The following PDE1A variants were observed in gnomAD, a reference collection of about 807,000 sequenced individuals.
PDE1A encodes the protein phosphodiesterase 1A.
A neutral mutation model predicts 61.7 loss-of-function variants in PDE1A; 35 were observed. The ratio of observed to expected loss-of-function variants is 0.57; its 90% confidence interval spans 0.43 to 0.75. The LOEUF is 0.75. Among genes scored for constraint, PDE1A ranks in the 30% least tolerant of loss-of-function variants. PDE1A has a pLI of 0.00. For synonymous variants in PDE1A, 232 were observed against 213.2 expected, an observed-to-expected ratio of 1.09 and a Z score of -0.77; for missense variants, 597 against 630.6, an observed-to-expected ratio of 0.95 and a Z score of 0.57.
chr2:182,186,550 G>C, exon 12 of PDE1A: 1 of 1,612,330 alleles, frequency 6.2e-7, no homozygotes, highest in South Asian at 1.1e-5. Flanking sequence ...GAGTCTGTCA[G>C]AAGAGAAAAT....
chr2:182,690,049 A>G, the PDE1A span, among the ~76,000 whole-genome samples: 1 of 152,324 alleles, frequency 6.6e-6, no homozygotes, highest in East Asian at 1.9e-4. Context: ...CAGCTTACCA[A>G]CCAAAAAAAG....
chr2:182,190,295 A>T (rs1473249887), intron 10 of PDE1A, among the ~76,000 whole-genome samples: 1 of 152,172 alleles, frequency 6.6e-6, no homozygotes, highest in East Asian at 1.9e-4. Context: ...AATTTCTGTG[A>T]CCTCTGCCAG....
At position 182,396,755 on chromosome 2, in the gene PDE1A, T is replaced by G. The variant is rs752411290; in HGVS notation, c.53+29823A>C. On this transcript the variant is annotated intron_variant, in intron 1 of 13. Transcript: ENST00000351439. ...AAGGATAGCTGTATTATGTTAGGCATAATTATGACCTTATTATTGTCTTTA... is the reference window on the plus strand; with the variant it reads ...AAGGATAGCTGTATTATGTTAGGCAGAATTATGACCTTATTATTGTCTTTA... Among the ~76,000 whole-genome samples the G allele has an allele frequency of 5.7e-4, 87 of 152,350 alleles. 1 individual carries two copies. Among genetic ancestry groups the G allele is most frequent in the Admixed American group, 2.8e-3 (43 of 15,296 alleles).
chr2:182,644,330 T>A, the PDE1A span, among the ~76,000 whole-genome samples: 1 of 150,600 alleles, frequency 6.6e-6, no homozygotes, highest in African/African-American at 2.4e-5. Flanking sequence ...TAAAGCCATG[T>A]ATGAAACCCA....
At chr2:182,173,010 T>C (rs2125332439) in intron 13 of PDE1A, among the ~76,000 whole-genome samples, 1 of 152,106 alleles carries the variant, frequency 6.6e-6, no homozygotes, top group Non-Finnish European at 1.5e-5. Flanking sequence ...ACAATGGAAC[T>C]ATCCCATCCC....
At chr2:182,633,834 AG>A in the PDE1A span, among the ~76,000 whole-genome samples, 2 of 152,194 alleles carry the variant, frequency 1.3e-5, no homozygotes, top group African/African-American at 4.8e-5. Flanking sequence ...CAGTAATCCC[AG>A]CACTTTGGGA....
At chr2:182,371,271 T>A (rs143177766) in intron 1 of PDE1A, among the ~76,000 whole-genome samples, 6 of 152,332 alleles carry the variant, frequency 3.9e-5, no homozygotes, top group Non-Finnish European at 7.3e-5. Context: ...AGGCATTAGT[T>A]TCTATTTAAG....
chr2:182,234,391 A>G, intron 4 of PDE1A, 41 bp downstream of exon 4: 1 of 1,399,902 alleles, frequency 7.1e-7, no homozygotes, highest in Non-Finnish European at 1.0e-6. Flanking sequence ...GAATTTTTTA[A>G]AATGACCATT....
chr2:182,615,832 C>T, the PDE1A span, among the ~76,000 whole-genome samples: 2 of 152,192 alleles, frequency 1.3e-5, no homozygotes, highest in Admixed American at 6.5e-5. Context: ...CAAACTCATC[C>T]TTTTATCAGA....
chr2:182,179,070 G>C lies in PDE1A; in HGVS notation c.1516+6822C>G, dbSNP rs3769798. 3.9e-5 allele frequency among the ~76,000 whole-genome samples: 6 copies of C among 152,276 alleles called. No homozygotes were observed. In the East Asian group the frequency reaches 1.2e-3, roughly 29 times the overall value. ...GATTGACCAGGCTTACTCTGATTCA[G>C]TCAAAACACTTAAATGATAAGCTTA... On this transcript the variant is annotated intron_variant, in intron 13 of 13. Coordinates refer to ENST00000351439, the Ensembl canonical transcript of PDE1A.
At chr2:182,482,555 G>C (rs942733090) in intron 2 of PDE1A, among the ~76,000 whole-genome samples, 1 of 151,924 alleles carries the variant, frequency 6.6e-6, no homozygotes, top group African/African-American at 2.4e-5. Flanking sequence ...ACATTGTCAG[G>C]ACAATAATTC....
At chr2:182,603,264 C>T in the PDE1A span, among the ~76,000 whole-genome samples, 1 of 152,138 alleles carries the variant, frequency 6.6e-6, no homozygotes, top group Admixed American at 6.5e-5. Flanking sequence ...ATATTCACTC[C>T]CTAAAAATGG....
intron 8 of PDE1A, among the ~76,000 whole-genome samples, chr2:182,203,595 G>C (rs569921972): frequency 1.3e-5 from 2 of 152,084 alleles, no homozygotes; most frequent in Admixed American, 6.6e-5. Flanking sequence ...GAAATCAATA[G>C]AATCTAATAA....
At chr2:182,443,891 T>C (rs1348977701) in intron 2 of PDE1A, among the ~76,000 whole-genome samples, 6 of 151,848 alleles carry the variant, frequency 4.0e-5, no homozygotes, top group African/African-American at 1.5e-4. Flanking sequence ...TTAGTAGAGA[T>C]GAGGTTTCTC....
At position 182,161,407 on chromosome 2, in the gene PDE1A, G is replaced by GGAGAT. The variant is rs75944655; in HGVS notation, c.1517-14256_1517-14255insATCTC. ...TGGAGATGTGTGGGATGATCCTGAT[G>GGAGAT]GGGGGCATTGAGCTCGTAAATTCTG... On this transcript the variant is annotated intron_variant, in intron 13 of 13. Transcript: ENST00000409365. Among the ~76,000 whole-genome samples, 715 of 151,666 alleles carry GGAGAT rather than the reference G, an allele frequency of 4.7e-3. 5 individuals are homozygous for GGAGAT. Among genetic ancestry groups the GGAGAT allele is most frequent in the African/African-American group, 0.017 (689 of 41,294 alleles).
the PDE1A span, among the ~76,000 whole-genome samples, chr2:182,700,505 C>CA: frequency 6.6e-6 from 1 of 151,934 alleles, no homozygotes; most frequent in Non-Finnish European, 1.5e-5. Flanking sequence ...GGGTGGCTCA[C>CA]AAGGTCAGGA....
chr2:182,694,828 G>C, the PDE1A span, among the ~76,000 whole-genome samples: 11,015 of 100,400 alleles, frequency 0.11, 1,425 homozygotes, highest in African/African-American at 0.31. Flanking sequence ...AAAAAGGTGG[G>C]GGGGGGGCAA....
At chr2:182,238,266 C>CAA (rs3063250) in intron 3 of PDE1A, among the ~76,000 whole-genome samples, 29,291 of 97,874 alleles carry the variant, frequency 0.3, 4,702 homozygotes, top group Middle Eastern at 0.38. Context: ...CAGACTACGT[C>CAA]AAAAAAAAAA....
At chr2:182,181,355 G>T (rs1224179322) in intron 13 of PDE1A, among the ~76,000 whole-genome samples, 2 of 152,198 alleles carry the variant, frequency 1.3e-5, no homozygotes, top group African/African-American at 4.8e-5. Context: ...CCCATCTTCT[G>T]CAGGTCTGCT....
Sources: allele counts gnomAD v4.1 joint callset (sites outside exome capture counted in the v4.1 genomes callset), GRCh38; gene constraint gnomAD v4.1.1; transcripts MANE v1.5; gene names NCBI Gene and HGNC (gene_info 2026-07-23, HGNC 2026-07-21).